Variants in ANK2 observed in about 807,000 individuals in gnomAD.
ANK2 encodes the protein ankyrin 2, also known as ankyrin-2.
In ANK2, 83 loss-of-function variants were observed where a neutral mutation model predicts 360.5. The observed-to-expected ratio is 0.23, with a 90% CI of 0.19 to 0.28. The LOEUF is 0.28. ANK2 is among the 10% of genes least tolerant of loss of function. The probability of loss-of-function intolerance (pLI) is 1.00; values close to 1 mark genes in which losing one functional copy is unlikely to be tolerated. For synonymous variants in ANK2, 1,740 were observed against 1,759.5 expected (o/e 0.99, Z 0.28); for missense variants, 4,201 against 4,795.7 (o/e 0.88, Z 3.66).
chr4:112,979,957 T>C (rs1050016309), intron 2 of ANK2: 1 of 152,226 alleles, frequency 6.6e-6, no homozygotes, highest in Non-Finnish European at 1.5e-5. Context: ...AGCCCCTCCC[T>C]GGCTTGAAGG....
intron 1 of ANK2, among the ~76,000 whole-genome samples, chr4:112,825,915 C>T (rs1338949931): frequency 6.6e-6 from 1 of 152,090 alleles, no homozygotes; most frequent in Non-Finnish European, 1.5e-5. Flanking sequence ...TTCCTTTCCT[C>T]CATATATAGG....
intron 2 of ANK2, chr4:112,979,983 A>C (rs1187268156): frequency 6.6e-6 from 1 of 152,212 alleles, no homozygotes. Flanking sequence ...TTTCTCCGGA[A>C]ACCCGCCCCT....
At chr4:113,225,938 A>G (rs780076306) in intron 4 of ANK2, among the ~76,000 whole-genome samples, 2 of 152,188 alleles carry the variant, frequency 1.3e-5, no homozygotes, top group Non-Finnish European at 2.9e-5. Flanking sequence ...CATGATTTCT[A>G]TATTTGAAGA....
intron 19 of ANK2, among the ~76,000 whole-genome samples, chr4:113,288,029 G>A (rs1360182993): frequency 1.3e-5 from 2 of 152,070 alleles, no homozygotes; most frequent in African/African-American, 4.8e-5. Flanking sequence ...CATGCCCTTG[G>A]TCTGGAAATG....
intron 17 of ANK2, 61 bp from the exon 18 acceptor site, chr4:113,282,614 C>T (rs1190984916): frequency 9.3e-6 from 13 of 1,395,948 alleles, no homozygotes; most frequent in Middle Eastern, 1.8e-4. Context: ...TTTAGAGATA[C>T]GTATTAGAGC....
intron 2 of ANK2, among the ~76,000 whole-genome samples, chr4:113,031,019 A>G (rs2060287750): frequency 2.0e-5 from 3 of 152,014 alleles, no homozygotes; most frequent in Admixed American, 6.6e-5. Context: ...GAATAGTAAA[A>G]TGACCATCCT....
At chr4:112,776,087 A>G in the ANK2 span, among the ~76,000 whole-genome samples, 1 of 152,120 alleles carries the variant, frequency 6.6e-6, no homozygotes, top group African/African-American at 2.4e-5. Context: ...TAAGGGTAGG[A>G]TTTGGGGGAG....
At chr4:113,220,717 C>A (rs1441587786) in intron 4 of ANK2, among the ~76,000 whole-genome samples, 1 of 152,084 alleles carries the variant, frequency 6.6e-6, no homozygotes, top group Non-Finnish European at 1.5e-5. Flanking sequence ...CATTACTAGC[C>A]ATCTCAACTT....
intron 2 of ANK2, among the ~76,000 whole-genome samples, chr4:113,188,082 A>G (rs1466604021): frequency 2.6e-5 from 4 of 152,178 alleles, no homozygotes; most frequent in South Asian, 2.1e-4. Flanking sequence ...ATGAAAATCA[A>G]TTGTGTTGTG....
At chr4:112,993,492 G>A (rs951806100) in intron 2 of ANK2, among the ~76,000 whole-genome samples, 1 of 151,664 alleles carries the variant, frequency 6.6e-6, no homozygotes, top group Non-Finnish European at 1.5e-5. Context: ...ATTTTTGGTA[G>A]AGACAGGGTT....
intron 26 of ANK2, among the ~76,000 whole-genome samples, chr4:113,323,094 C>T (rs769607565): frequency 6.6e-6 from 1 of 151,918 alleles, no homozygotes; most frequent in Non-Finnish European, 1.5e-5. Context: ...GAAGAGCAGA[C>T]TCATAGGTAG....
intron 2 of ANK2, among the ~76,000 whole-genome samples, chr4:112,958,233 C>T (rs571373368): frequency 6.6e-6 from 1 of 152,316 alleles, no homozygotes; most frequent in South Asian, 2.1e-4. Flanking sequence ...CTTTGGAGGC[C>T]AAGGCAGGCG....
At chr4:112,896,831 C>T (rs559848922) in intron 1 of ANK2, among the ~76,000 whole-genome samples, 12 of 152,314 alleles carry the variant, frequency 7.9e-5, no homozygotes, top group Non-Finnish European at 1.3e-4. Flanking sequence ...CACTTACTTA[C>T]CTGCTCCTTC....
At position 113,336,022 on chromosome 4, in the gene ANK2, G is replaced by T. The variant is rs1168556832; in HGVS notation, c.3556G>T (p.Gly1186Trp). ...CCAGGTGCAGGCCGTCTTCCCAGAG[G>T]GGGCACTCACCAAGCGGATCCGCGT... ...VPQVQAVFPE[G>W]ALTKRIRVGL... Residue 1186 changes from glycine to tryptophan, a missense_variant, in exon 30 of 46, where the codon GGG becomes TGG. By Grantham distance (184) the Gly-to-Trp change is radical. Coordinates refer to ENST00000357077, the MANE Select transcript of ANK2 (RefSeq NM_001148.6). 1 of 1,614,066 alleles carries T rather than the reference G, an allele frequency of 6.2e-7. No individual in the cohort carries two copies. The highest frequency in any genetic ancestry group is 8.5e-7 in the Non-Finnish European group (1 of 1,180,000).
intron 26 of ANK2, among the ~76,000 whole-genome samples, chr4:113,320,580 G>C: frequency 6.6e-6 from 1 of 152,076 alleles, no homozygotes; most frequent in Non-Finnish European, 1.5e-5. Context: ...ATTTGAACCC[G>C]GGAGGTGGTG....
At chr4:113,302,920 C>T in intron 23 of ANK2, 81 bp downstream of exon 23, 1 of 1,182,972 alleles carries the variant, frequency 8.5e-7, no homozygotes, top group East Asian at 2.3e-5. Context: ...AGAGACCAAG[C>T]TGGTTATGTG....
intron 2 of ANK2, among the ~76,000 whole-genome samples, chr4:112,911,053 G>A (rs2087065693): frequency 6.6e-6 from 1 of 150,440 alleles, no homozygotes; most frequent in African/African-American, 2.4e-5. Flanking sequence ...CGACTCCCGG[G>A]TTCAAGCAAT....
At chr4:113,071,302 G>A (rs142539957) in intron 1 of ANK2, among the ~76,000 whole-genome samples, 2 of 152,296 alleles carry the variant, frequency 1.3e-5, no homozygotes, top group East Asian at 3.9e-4. Context: ...AGACGGGATA[G>A]TAGGCTAGAT....
At chr4:113,089,354 T>C (rs2086550696) in intron 1 of ANK2, among the ~76,000 whole-genome samples, 1 of 152,232 alleles carries the variant, frequency 6.6e-6, no homozygotes, top group Non-Finnish European at 1.5e-5. Flanking sequence ...TATTTGTCTC[T>C]AAAATGTGCC....
Sources: allele counts gnomAD v4.1 joint callset (sites outside exome capture counted in the v4.1 genomes callset), GRCh38; gene constraint gnomAD v4.1.1; transcripts MANE v1.5; gene names NCBI Gene and HGNC (gene_info 2026-07-23, HGNC 2026-07-21).